ADAMTS6: variants seen among roughly 807,000 people sequenced by gnomAD.
ADAMTS6 encodes A disintegrin and metalloproteinase with thrombospondin motifs 6.
ADAMTS6 carries 23 observed loss-of-function variants against 144.3 expected under a neutral mutation model. The observed-to-expected ratio is 0.16, with a 90% CI of 0.11 to 0.23. The LOEUF (loss-of-function observed/expected upper bound fraction) is 0.23. Among genes scored for constraint, ADAMTS6 ranks in the 10% least tolerant of loss-of-function variants. ADAMTS6 has a pLI of 1.00. For synonymous variants in ADAMTS6, 444 were observed against 457.5 expected, an observed-to-expected ratio of 0.97 and a Z score of 0.38; for missense variants, 999 against 1,379.6, an observed-to-expected ratio of 0.72 and a Z score of 4.37.
At chr5:65,219,875 G>C (rs1757190166) in intron 18 of ADAMTS6, among the ~76,000 whole-genome samples, 1 of 152,190 alleles carries the variant, frequency 6.6e-6, no homozygotes, top group Non-Finnish European at 1.5e-5. Context: ...AGTAATCGCA[G>C]CTTTTGCCAT....
intron 7 of ADAMTS6, among the ~76,000 whole-genome samples, chr5:65,413,200 C>G (rs941494123): frequency 1.3e-5 from 2 of 152,148 alleles, no homozygotes; most frequent in Non-Finnish European, 2.9e-5. Context: ...CACCTTCTCA[C>G]ATGAAAATAG....
chr5:65,245,234 C>T (rs1329116780), intron 14 of ADAMTS6, among the ~76,000 whole-genome samples: 1 of 152,132 alleles, frequency 6.6e-6, no homozygotes, highest in African/African-American at 2.4e-5. Context: ...ACCCTGAAAG[C>T]TCCACTTCCC....
At chr5:65,300,927 G>A (rs35425216) in intron 9 of ADAMTS6, among the ~76,000 whole-genome samples, 95 of 152,194 alleles carry the variant, frequency 6.2e-4, no homozygotes, top group Non-Finnish European at 1.1e-3. Context: ...CACCGCGCCC[G>A]GCCGTAAGTC....
At chr5:65,164,415 G>C (rs1278786518) in intron 24 of ADAMTS6, among the ~76,000 whole-genome samples, 8 of 150,638 alleles carry the variant, frequency 5.3e-5, no homozygotes, top group African/African-American at 2.0e-4. Flanking sequence ...TAGCACAGCA[G>C]TCTGAGATCA....
intron 3 of ADAMTS6, among the ~76,000 whole-genome samples, chr5:65,464,629 T>C (rs1019228578): frequency 7.9e-5 from 12 of 152,198 alleles, no homozygotes; most frequent in African/African-American, 2.9e-4. Flanking sequence ...GTTTAAAAAC[T>C]AATGACATAG....
At position 65,226,163 on chromosome 5, in the gene ADAMTS6, C is replaced by T. The variant is rs1383210373; in HGVS notation, c.1990G>A (p.Glu664Lys). The T allele has an allele frequency of 6.2e-7, 1 of 1,613,884 alleles. No homozygotes were observed. Among genetic ancestry groups the T allele is most frequent in the Non-Finnish European group, 8.5e-7 (1 of 1,179,878 alleles). ...CLAEGYNFYT[E>K]RAPAVIDGTQ... ...CCATCGATCACCGCAGGAGCACGTTCAGTGTAGAAATTATAACCTTCAGCC... is the reference window on the plus strand; with the variant it reads ...CCATCGATCACCGCAGGAGCACGTTTAGTGTAGAAATTATAACCTTCAGCC... The change falls in exon 16 of 25, where the codon GAA becomes AAA. Residue 664 changes from glutamate (E) to lysine (K), a missense_variant. Transcript: ENST00000381055.
At chr5:65,215,596 G>T (rs1198230216) in intron 18 of ADAMTS6, 109 bp from the exon 19 acceptor site, 4 of 939,172 alleles carry the variant, frequency 4.3e-6, no homozygotes, top group Non-Finnish European at 6.2e-6. Flanking sequence ...TCCATTTAGA[G>T]ATGTGACTCT....
chr5:65,450,481 T>C (rs1758649814), intron 7 of ADAMTS6, among the ~76,000 whole-genome samples: 3 of 152,180 alleles, frequency 2.0e-5, no homozygotes, highest in Admixed American at 2.0e-4. Context: ...GTATGTTAAA[T>C]ACTGCCTTGC....
chr5:65,216,461 T>TATG (rs1461032850), intron 18 of ADAMTS6, among the ~76,000 whole-genome samples: 1 of 151,994 alleles, frequency 6.6e-6, no homozygotes, highest in African/African-American at 2.4e-5. Context: ...ACCTGCTTAA[T>TATG]GGATATGGGT....
intron 7 of ADAMTS6, among the ~76,000 whole-genome samples, chr5:65,343,962 T>A (rs1371173446): frequency 6.6e-6 from 1 of 152,054 alleles, no homozygotes; most frequent in Non-Finnish European, 1.5e-5. Flanking sequence ...ATGCTCAACA[T>A]CACTAATCGT....
intron 14 of ADAMTS6, among the ~76,000 whole-genome samples, chr5:65,250,226 T>C (rs1363762384): frequency 6.6e-6 from 1 of 152,242 alleles, no homozygotes; most frequent in East Asian, 1.9e-4. Context: ...CAAACAACTC[T>C]GCAAGTTTCA....
intron 7 of ADAMTS6, among the ~76,000 whole-genome samples, chr5:65,445,376 T>G (rs1425130424): frequency 6.6e-6 from 1 of 152,178 alleles, no homozygotes; most frequent in Non-Finnish European, 1.5e-5. Context: ...CTCACTCTAT[T>G]GCCCAGGCTG....
chr5:65,453,724 A>G (rs1447245414), intron 4 of ADAMTS6, among the ~76,000 whole-genome samples: 4 of 152,224 alleles, frequency 2.6e-5, no homozygotes, highest in African/African-American at 9.6e-5. Context: ...AAACTTGAGC[A>G]TGTAGAGGTT....
At chr5:65,235,968 T>C (rs1758639536) in intron 15 of ADAMTS6, among the ~76,000 whole-genome samples, 1 of 152,216 alleles carries the variant, frequency 6.6e-6, no homozygotes, top group Admixed American at 6.5e-5. Context: ...ATTAAGTCTG[T>C]AAATTATTTC....
intron 11 of ADAMTS6, among the ~76,000 whole-genome samples, chr5:65,283,907 C>T (rs1425397393): frequency 6.6e-6 from 1 of 152,034 alleles, no homozygotes; most frequent in Non-Finnish European, 1.5e-5. Flanking sequence ...AATAAGTGTT[C>T]CAAAACCAGA....
chr5:65,301,868 C>T (rs1478431182), intron 9 of ADAMTS6, among the ~76,000 whole-genome samples: 1 of 151,830 alleles, frequency 6.6e-6, no homozygotes, highest in Non-Finnish European at 1.5e-5. Context: ...GCGGGAGGAT[C>T]ACCTGAGGTC....
chr5:65,355,007 T>TA (rs1387091478), intron 7 of ADAMTS6, among the ~76,000 whole-genome samples: 1 of 151,872 alleles, frequency 6.6e-6, no homozygotes, highest in Non-Finnish European at 1.5e-5. Context: ...CCTCAACCTT[T>TA]CTTCCAAAAA....
At chr5:65,376,278 A>T (rs919940671) in intron 7 of ADAMTS6, among the ~76,000 whole-genome samples, 4 of 151,916 alleles carry the variant, frequency 2.6e-5, no homozygotes, top group Non-Finnish European at 5.9e-5. Context: ...AAAAAATAAA[A>T]ACATAAAAAT....
chr5:65,301,630 G>A (rs903924229), intron 9 of ADAMTS6, among the ~76,000 whole-genome samples: 1 of 152,008 alleles, frequency 6.6e-6, no homozygotes, highest in Non-Finnish European at 1.5e-5. Context: ...GAAGAGAATG[G>A]AACCAGGGGA....
Sources: allele counts gnomAD v4.1 joint callset (sites outside exome capture counted in the v4.1 genomes callset), GRCh38; gene constraint gnomAD v4.1.1; transcripts MANE v1.5; gene names NCBI Gene and HGNC (gene_info 2026-07-23, HGNC 2026-07-21).